PRKN: variants seen among roughly 807,000 people sequenced by gnomAD.
PRKN encodes the protein E3 ubiquitin-protein ligase parkin.
PRKN carries 56 observed loss-of-function variants against 59.5 expected under a neutral mutation model. The ratio of observed to expected loss-of-function variants is 0.94; its 90% CI spans 0.76 to 1.18. PRKN has a LOEUF of 1.18. Among genes scored for constraint, PRKN ranks in the 50% most tolerant of loss-of-function variants. PRKN has a pLI of 0.00. For missense variants in PRKN, 657 were observed against 596.4 expected, an observed-to-expected ratio of 1.10 and a Z score of -1.06; for synonymous variants, 250 against 222.1, an observed-to-expected ratio of 1.13 and a Z score of -1.12.
At chr6:162,350,045 C>A (rs561829987) in intron 2 of PRKN, among the ~76,000 whole-genome samples, 3 of 152,226 alleles carry the variant, frequency 2.0e-5, no homozygotes, top group Admixed American at 1.3e-4. Context: ...TGTATTTCTA[C>A]ATACTAGCAA....
intron 2 of PRKN, among the ~76,000 whole-genome samples, chr6:162,296,906 CCA>C (rs1781700086): frequency 6.6e-6 from 1 of 152,066 alleles, no homozygotes; most frequent in Non-Finnish European, 1.5e-5. Flanking sequence ...TCATTCTAAT[CCA>C]TTTTTAAAAA....
intron 2 of PRKN, among the ~76,000 whole-genome samples, chr6:162,298,227 C>T (rs1256163627): frequency 6.6e-6 from 1 of 151,940 alleles, no homozygotes; most frequent in African/African-American, 2.4e-5. Flanking sequence ...TCCTTCCTGG[C>T]CCTGCTTGCT....
At chr6:161,646,564 G>T (rs13206784) in intron 7 of PRKN, among the ~76,000 whole-genome samples, 1 of 150,610 alleles carries the variant, frequency 6.6e-6, no homozygotes, top group African/African-American at 2.4e-5. Flanking sequence ...TGGCGTGTCA[G>T]TGAGAGTGGT....
At chr6:162,009,847 A>G (rs546254082) in intron 5 of PRKN, among the ~76,000 whole-genome samples, 1 of 151,874 alleles carries the variant, frequency 6.6e-6, no homozygotes, top group East Asian at 1.9e-4. Context: ...GAGGCATGAT[A>G]ATCATTTGAA....
intron 4 of PRKN, among the ~76,000 whole-genome samples, chr6:162,164,336 G>A (rs556196472): frequency 6.7e-6 from 1 of 148,826 alleles, no homozygotes; most frequent in Admixed American, 6.7e-5. Context: ...AGCCTCCTGA[G>A]TAGCTGGGAC....
intron 1 of PRKN, among the ~76,000 whole-genome samples, chr6:162,452,923 A>T (rs1416346631): frequency 2.0e-5 from 3 of 152,220 alleles, no homozygotes; most frequent in Admixed American, 1.3e-4. Context: ...TAATCATAAG[A>T]AGGCAGGGAT....
At chr6:162,228,865 T>A (rs1380007224) in intron 3 of PRKN, among the ~76,000 whole-genome samples, 1 of 152,122 alleles carries the variant, frequency 6.6e-6, no homozygotes, top group African/African-American at 2.4e-5. Flanking sequence ...TCAAGTACCA[T>A]CACTAAGAAT....
intron 1 of PRKN, among the ~76,000 whole-genome samples, chr6:162,717,899 T>C (rs758140015): frequency 6.6e-6 from 1 of 152,250 alleles, no homozygotes; most frequent in Non-Finnish European, 1.5e-5. Flanking sequence ...GTCCTGAAGA[T>C]TGTGTTTATA....
intron 1 of PRKN, among the ~76,000 whole-genome samples, chr6:162,521,920 G>A (rs530364669): frequency 6.6e-6 from 1 of 152,188 alleles, no homozygotes; most frequent in East Asian, 1.9e-4. Flanking sequence ...TTTTGACTCA[G>A]TATTATTGTT....
At chr6:161,425,745 G>A (rs189930371) in intron 9 of PRKN, among the ~76,000 whole-genome samples, 21 of 152,158 alleles carry the variant, frequency 1.4e-4, no homozygotes, top group African/African-American at 4.6e-4. Context: ...ATGAGGAGAT[G>A]AATTTGTCCA....
intron 7 of PRKN, among the ~76,000 whole-genome samples, chr6:161,761,890 GTAAT>G (rs1789217033): frequency 1.3e-5 from 2 of 152,326 alleles, no homozygotes; most frequent in South Asian, 4.1e-4. Flanking sequence ...TTTGTATCTG[GTAAT>G]TAGGTAGTGA....
intron 6 of PRKN, among the ~76,000 whole-genome samples, chr6:161,859,044 A>G (rs9355941): frequency 0.23 from 33,660 of 149,524 alleles, 4,730 homozygotes; most frequent in South Asian, 0.32. Context: ...TAATTTTTGT[A>G]TTTTTATTAG....
chr6:161,716,097 C>T (rs773241225), intron 7 of PRKN: 1 of 1,348,026 alleles, frequency 7.4e-7, no homozygotes, highest in Non-Finnish European at 9.8e-7. Flanking sequence ...TGAATCCCCC[C>T]AGAGCTCCTC....
intron 2 of PRKN, among the ~76,000 whole-genome samples, chr6:162,280,260 G>T (rs1344381111): frequency 6.6e-6 from 1 of 152,084 alleles, no homozygotes; most frequent in Non-Finnish European, 1.5e-5. Flanking sequence ...TCTGGAAACT[G>T]AACAACCTGC....
intron 6 of PRKN, among the ~76,000 whole-genome samples, chr6:161,793,011 C>G (rs1428627885): frequency 6.6e-6 from 1 of 152,130 alleles, no homozygotes; most frequent in African/African-American, 2.4e-5. Flanking sequence ...AAAGAAGTAA[C>G]CGGCACAGCG....
chr6:162,304,487 A>C (rs1782121814), intron 2 of PRKN, among the ~76,000 whole-genome samples: 2 of 138,562 alleles, frequency 1.4e-5, no homozygotes, highest in African/African-American at 5.4e-5. Flanking sequence ...TGACTCATCC[A>C]GTTCTATCTA....
At chr6:162,550,843 C>T (rs913627513) in intron 1 of PRKN, among the ~76,000 whole-genome samples, 63 of 152,252 alleles carry the variant, frequency 4.1e-4, no homozygotes, top group African/African-American at 1.5e-3. Flanking sequence ...TGCCATGTCA[C>T]GCAGCCCACT....
chr6:162,032,481 A>G (rs1783678337), intron 5 of PRKN, among the ~76,000 whole-genome samples: 1 of 152,126 alleles, frequency 6.6e-6, no homozygotes, highest in Admixed American at 6.5e-5. Context: ...AGTGGGGGCC[A>G]CTTTGCAGCC....
intron 6 of PRKN, among the ~76,000 whole-genome samples, chr6:161,790,945 C>T (rs1303277677): frequency 6.6e-6 from 1 of 152,066 alleles, no homozygotes; most frequent in Non-Finnish European, 1.5e-5. Context: ...GCAAATGGCT[C>T]TGGGAGTGGA....
Sources: gnomAD v4.1 joint callset for allele counts (sites outside exome capture counted in the v4.1 genomes callset) on GRCh38, gnomAD v4.1.1 for gene constraint, MANE v1.5 for transcripts, NCBI Gene and HGNC (gene_info 2026-07-23, HGNC 2026-07-21) for gene names.